The following IARS1 variants were observed in gnomAD, a reference collection of about 807,000 sequenced individuals.
The protein encoded by IARS1 is isoleucine--tRNA ligase, cytoplasmic.
A neutral mutation model predicts 168.2 loss-of-function variants in IARS1; 124 were observed. The observed-to-expected ratio is 0.74, with a 90% CI of 0.64 to 0.86. The LOEUF is 0.86. Ranked by LOEUF, IARS1 falls within the 40% of genes least tolerant of loss-of-function variation. The probability of loss-of-function intolerance (pLI) is 0.00; values close to 1 mark genes in which losing one functional copy is unlikely to be tolerated. For missense variants in IARS1, 1,452 were observed against 1,515.8 expected, an observed-to-expected ratio of 0.96 and a Z score of 0.70; for synonymous variants, 532 against 529.4, an observed-to-expected ratio of 1.00 and a Z score of -0.07.
At chr9:92,254,898 C>T (rs564092438) in intron 20 of IARS1, among the ~76,000 whole-genome samples, 212 of 152,300 alleles carry the variant, frequency 1.4e-3, no homozygotes, top group African/African-American at 4.8e-3. Context: ...CTCCAGTTTC[C>T]AGGCAGACCA....
At chr9:92,248,652 CAAAAAAAA>C (rs886459066) in intron 25 of IARS1, among the ~76,000 whole-genome samples, 4 of 46,744 alleles carry the variant, frequency 8.6e-5, no homozygotes, top group Non-Finnish European at 1.7e-4. Context: ...GACCCTGTCA[CAAAAAAAA>C]AAAAAAAAAA....
chr9:92,219,253 A>G (rs1027582753), intron 33 of IARS1, among the ~76,000 whole-genome samples: 10 of 152,190 alleles, frequency 6.6e-5, no homozygotes, highest in African/African-American at 2.4e-4. Flanking sequence ...CCTTCCTTAC[A>G]CCTTATACAA....
intron 15 of IARS1, 129 bp downstream of exon 15, chr9:92,265,351 T>A (rs929250825): frequency 3.3e-6 from 3 of 905,658 alleles, no homozygotes; most frequent in African/African-American, 1.6e-5. Context: ...TACTGCAATA[T>A]GACATGAGTC....
chr9:92,242,324 G>C lies in IARS1; in HGVS notation c.3007C>G (p.Leu1003Val). The change falls in exon 29 of 34, where the codon CTG (leucine) becomes GTG (valine). Residue 1003 changes from leucine to valine, a missense_variant. Coordinates refer to ENST00000443024, the MANE Select transcript of IARS1 (RefSeq NM_002161.6). ...ACTGTGATTTCATCAGTTGGAACCA[G>C]ATTGCACTGAAAACACACACAGAAA... is the stretch of plus-strand genomic sequence containing the variant. ...RIQKLRKKCN[L>V]VPTDEITVYY... The C allele has an allele frequency of 6.2e-7, 1 of 1,609,870 alleles. No homozygotes were observed. The highest frequency in any genetic ancestry group is 8.5e-7 in the Non-Finnish European group (1 of 1,178,602).
At position 92,244,991 on chromosome 9, in the gene IARS1, T is replaced by G; in HGVS notation, c.2872A>C (p.Thr958Pro). 1 of 1,614,120 alleles carries G rather than the reference T, an allele frequency of 6.2e-7. No homozygotes were observed. Among genetic ancestry groups the G allele is most frequent in the Non-Finnish European group, 8.5e-7 (1 of 1,179,996 alleles). ...TCTGAGTGTGCTTCAAATTGCGCAG[T>G]CCCACCTGTGGCCTGATCAAAGGTG... is the stretch of plus-strand genomic sequence containing the variant. ...MYTFDQATGG[T>P]AQFEAHSDAQ... Residue 958 changes from threonine (T) to proline (P), a missense_variant, in exon 27 of 34, where the codon ACT becomes CCT. Thr to Pro is a conservative substitution (Grantham distance 38). Coordinates refer to ENST00000443024, the MANE Select transcript of IARS1 (RefSeq NM_002161.6).
chr9:92,281,822 G>A lies in IARS1; in HGVS notation c.598-929C>T, dbSNP rs78871953. Among the ~76,000 whole-genome samples the A allele has an allele frequency of 4.4e-3, 664 of 152,196 alleles. 4 individuals are homozygous for A. The highest frequency in any genetic ancestry group is 0.014 in the African/African-American group (574 of 41,538). On this transcript the variant is annotated intron_variant, in intron 6 of 33. Transcript: ENST00000443024. ...CACATGTAAAACATCAGACAAACTT[G>A]AAATAAGAGACACTACTATTGGCCT...
intron 6 of IARS1, among the ~76,000 whole-genome samples, chr9:92,281,867 A>C (rs541321031): frequency 6.6e-6 from 1 of 152,326 alleles, no homozygotes; most frequent in South Asian, 2.1e-4. Context: ...CAAATATGTC[A>C]GTATTATGAG....
chr9:92,271,257 G>T lies in IARS1; in HGVS notation c.1114-181C>A, dbSNP rs544858703. 3.9e-5 allele frequency among the ~76,000 whole-genome samples: 6 copies of T among 152,198 alleles called. 1 individual carries two copies. In the East Asian group the frequency reaches 1.2e-3, roughly 29 times the overall value. On this transcript the variant is annotated intron_variant, in intron 11 of 33. Transcript: ENST00000443024. ...ATTCCACAACATTTAAGGTCATAAAGTTTTTCGATCTGAAATGACAACCCC... is the reference window on the plus strand; with the variant it reads ...ATTCCACAACATTTAAGGTCATAAATTTTTTCGATCTGAAATGACAACCCC...
intron 23 of IARS1, 30 bp from the exon 24 acceptor site, chr9:92,250,319 GT>G: frequency 7.3e-7 from 1 of 1,373,724 alleles, no homozygotes; most frequent in Non-Finnish European, 1.0e-6. Flanking sequence ...ATATGAAAGA[GT>G]TTAGATTTAA....
At chr9:92,233,567 T>C (rs1827040393) in intron 30 of IARS1, among the ~76,000 whole-genome samples, 1 of 152,196 alleles carries the variant, frequency 6.6e-6, no homozygotes, top group South Asian at 2.1e-4. Flanking sequence ...CATGATGCTG[T>C]CACAATGGCA....
chr9:92,266,845 C>T (rs757581771), intron 14 of IARS1, among the ~76,000 whole-genome samples: 3 of 152,228 alleles, frequency 2.0e-5, no homozygotes, highest in African/African-American at 4.8e-5. Flanking sequence ...GTCTAGTCTT[C>T]AACTTTCCAG....
At chr9:92,219,403 A>C (rs1286131960) in intron 33 of IARS1, among the ~76,000 whole-genome samples, 22 of 149,924 alleles carry the variant, frequency 1.5e-4, no homozygotes, top group African/African-American at 3.2e-4. Flanking sequence ...GCAACAAAAG[A>C]CAAAATTGAC....
At chr9:92,243,383 T>C (rs368750434) in intron 27 of IARS1, 72 bp from the exon 28 acceptor site, 26 of 1,040,598 alleles carry the variant, frequency 2.5e-5, no homozygotes, top group East Asian at 1.4e-4. Flanking sequence ...CAGCAAAATG[T>C]TATTTAAATC....
chr9:92,277,488 G>A (rs191891432), intron 9 of IARS1, among the ~76,000 whole-genome samples: 85 of 152,040 alleles, frequency 5.6e-4, no homozygotes, highest in African/African-American at 1.9e-3. Flanking sequence ...GACCAGCCTG[G>A]GCAGCATAGC....
Position 92,287,336 on chromosome 9 carries a change from A to G in IARS1, c.396+455T>C, listed in dbSNP as rs1159296386. On this transcript the variant is annotated intron_variant, in intron 4 of 33. Coordinates refer to ENST00000443024, the MANE Select transcript of IARS1 (RefSeq NM_002161.6). ...ATGCAATATGTGATTGGTCAGAAAT[A>G]AAAATTAATGGGGCAACTGCTTTTG... 11 of 153,966 alleles carry G rather than the reference A, an allele frequency of 7.1e-5. No individual in the cohort carries two copies. In the Admixed American group the frequency reaches 7.2e-4, roughly 10 times the overall value. The allele number at this position is 153,966 out of a possible 1,614,324, so 9.5% of individuals were successfully genotyped here.
At chr9:92,222,045 T>A (rs1265627262) in intron 33 of IARS1, among the ~76,000 whole-genome samples, 1 of 152,098 alleles carries the variant, frequency 6.6e-6, no homozygotes, top group East Asian at 1.9e-4. Context: ...TGACCGGGCA[T>A]CACGGCTCAC....
At chr9:92,271,374 C>T (rs1833004003) in intron 11 of IARS1, among the ~76,000 whole-genome samples, 159 bp downstream of exon 11, 1 of 152,156 alleles carries the variant, frequency 6.6e-6, no homozygotes, top group African/African-American at 2.4e-5. Flanking sequence ...AGATATGAGA[C>T]CCTCTGAACG....
chr9:92,212,894 C>A (rs770692133), intron 33 of IARS1, among the ~76,000 whole-genome samples: 2 of 151,914 alleles, frequency 1.3e-5, no homozygotes, highest in Non-Finnish European at 2.9e-5. Flanking sequence ...GGGCTCTAAG[C>A]AAGGGAACAA....
chr9:92,265,659 T>C, intron 14 of IARS1, 106 bp from the exon 15 acceptor site: 2 of 923,132 alleles, frequency 2.2e-6, no homozygotes, highest in Admixed American at 1.8e-5. Context: ...GATGATTTTC[T>C]TTTTCCTTTT....
Sources: gnomAD v4.1 joint callset for allele counts (sites outside exome capture counted in the v4.1 genomes callset) on GRCh38, gnomAD v4.1.1 for gene constraint, MANE v1.5 for transcripts, NCBI Gene and HGNC (gene_info 2026-07-23, HGNC 2026-07-21) for gene names.